Variants in CA10 observed in about 807,000 individuals in gnomAD.
CA10 encodes the protein carbonic anhydrase 10 (inactive), also known as carbonic anhydrase-related protein 10.
A neutral mutation model predicts 44.2 loss-of-function variants in CA10; 14 were observed. The observed-to-expected ratio is 0.32, with a 90% CI of 0.21 to 0.50. CA10 has a LOEUF of 0.50. CA10 is among the 20% of genes least tolerant of loss of function. The pLI is 0.99. For synonymous variants in CA10, 159 were observed against 141.6 expected (o/e 1.12, Z -0.87); for missense variants, 350 against 409.7 (o/e 0.85, Z 1.26).
chr17:52,025,240 A>C (rs901596065), intron 2 of CA10, among the ~76,000 whole-genome samples: 1 of 152,146 alleles, frequency 6.6e-6, no homozygotes, highest in African/African-American at 2.4e-5. Flanking sequence ...GCTGAGTTCT[A>C]TATCAGGGCA....
chr17:52,023,697 C>CAAAA, intron 2 of CA10, among the ~76,000 whole-genome samples: 1 of 147,590 alleles, frequency 6.8e-6, no homozygotes. Flanking sequence ...TACAGAATGG[C>CAAAA]AAAAAAAAAA....
intron 1 of CA10, chr17:52,135,186 C>T (rs371328375): frequency 5.9e-6 from 2 of 339,124 alleles, no homozygotes; most frequent in Middle Eastern, 1.0e-3. Flanking sequence ...TCAGTATATC[C>T]CTCCCTCGCT....
At chr17:51,695,414 T>G (rs1414442405) in intron 4 of CA10, among the ~76,000 whole-genome samples, 1 of 152,166 alleles carries the variant, frequency 6.6e-6, no homozygotes, top group Non-Finnish European at 1.5e-5. Context: ...ACTATATATG[T>G]GGGTGTTTGT....
Position 51,635,904 on chromosome 17 carries a change from G to A in CA10, c.740C>T (p.Thr247Ile), listed in dbSNP as rs1228874521. 6.2e-7 allele frequency: 1 copy of A among 1,608,874 alleles called. No homozygotes were observed. The highest frequency in any genetic ancestry group is 8.5e-7 in the Non-Finnish European group (1 of 1,176,630). Reference protein sequence around the residue: ...GSMTIPPCYETASWIIMNKPV... With the variant: ...GSMTIPPCYEIASWIIMNKPV... ...TTTGTTCATTATGATCCAACTTGCT[G>A]TCTCATAGCAGGGTGGGATAGTCAT... Residue 247 changes from threonine to isoleucine, a missense_variant, in exon 7 of 9, where the codon ACA becomes ATA. Coordinates refer to ENST00000451037, the MANE Select transcript of CA10 (RefSeq NM_020178.5).
At chr17:52,090,388 A>T (rs1252006164) in intron 1 of CA10, among the ~76,000 whole-genome samples, 1 of 150,222 alleles carries the variant, frequency 6.7e-6, no homozygotes, top group Non-Finnish European at 1.5e-5. Flanking sequence ...AATAACTAAT[A>T]TGATGAGGTA....
chr17:51,900,600 C>A (rs1309158208), intron 3 of CA10, among the ~76,000 whole-genome samples: 1 of 152,132 alleles, frequency 6.6e-6, no homozygotes, highest in Non-Finnish European at 1.5e-5. Flanking sequence ...TTTTCATGAA[C>A]CATATCTTCA....
At chr17:51,878,267 C>T (rs1206627065) in intron 3 of CA10, among the ~76,000 whole-genome samples, 4 of 151,488 alleles carry the variant, frequency 2.6e-5, no homozygotes, top group East Asian at 1.9e-4. Flanking sequence ...GATTTAACCA[C>T]ACTGAGGCCT....
At chr17:51,744,254 G>T (rs912097541) in intron 4 of CA10, among the ~76,000 whole-genome samples, 2 of 151,616 alleles carry the variant, frequency 1.3e-5, no homozygotes, top group Admixed American at 1.3e-4. Context: ...GGTGGAGGTT[G>T]CAGTGAACCG....
At chr17:51,923,285 A>G (rs1598119804) in intron 3 of CA10, among the ~76,000 whole-genome samples, 1 of 152,162 alleles carries the variant, frequency 6.6e-6, no homozygotes, top group African/African-American at 2.4e-5. Context: ...CATATAGAGT[A>G]AGATCATCTG....
intron 2 of CA10, among the ~76,000 whole-genome samples, chr17:51,976,265 A>G (rs1458663018): frequency 2.0e-5 from 3 of 152,212 alleles, no homozygotes; most frequent in Admixed American, 2.0e-4. Flanking sequence ...AAAAGTCTGT[A>G]AGATATAGCA....
chr17:51,871,375 G>A (rs1433955388), intron 3 of CA10, among the ~76,000 whole-genome samples: 1 of 148,724 alleles, frequency 6.7e-6, no homozygotes, highest in Non-Finnish European at 1.5e-5. Flanking sequence ...GGGATTACAG[G>A]TGCCCACCAC....
At chr17:51,972,562 A>C (rs1210362336) in intron 2 of CA10, among the ~76,000 whole-genome samples, 4 of 152,110 alleles carry the variant, frequency 2.6e-5, no homozygotes, top group African/African-American at 9.7e-5. Context: ...CCATCCATTA[A>C]AGGAAGTGGA....
At chr17:51,959,797 GA>G (rs3062037) in intron 2 of CA10, among the ~76,000 whole-genome samples, 2,703 of 112,318 alleles carry the variant, frequency 0.024, 73 homozygotes, top group African/African-American at 0.084. Context: ...CTGCTAAGAT[GA>G]AAAAAAAAAA....
At chr17:51,727,882 T>TA (rs1916582694) in intron 4 of CA10, among the ~76,000 whole-genome samples, 1 of 151,946 alleles carries the variant, frequency 6.6e-6, no homozygotes, top group South Asian at 2.1e-4. Context: ...TTTTTTTTTT[T>TA]AAAGACTTAA....
chr17:51,799,252 AAAAT>A (rs1439991384), intron 3 of CA10, among the ~76,000 whole-genome samples: 2 of 152,234 alleles, frequency 1.3e-5, no homozygotes, highest in Admixed American at 1.3e-4. Context: ...ACAATGCTGC[AAAAT>A]AAATAACCAT....
At chr17:51,730,867 C>T (rs544520507) in intron 4 of CA10, among the ~76,000 whole-genome samples, 1 of 150,408 alleles carries the variant, frequency 6.6e-6, no homozygotes, top group South Asian at 2.1e-4. Context: ...AAGTGTCCTA[C>T]ATCTGGGACT....
In CA10 at chr17:52,157,992, C is replaced by T; in HGVS notation, c.-206G>A. 3.3e-6 allele frequency: 2 copies of T among 608,954 alleles called. No individual in the cohort carries two copies. The highest frequency in any genetic ancestry group is 5.9e-6 in the Non-Finnish European group (2 of 337,592). 37.7% of individuals were successfully genotyped at this position (608,954 alleles called of 1,614,324 possible). ...CCGGCAAATCTCCCCTCGGGCTCGA[C>T]GGATGTGCGCCCCAGATGTGCTGAC... On this transcript the variant is annotated 5_prime_UTR_variant, in exon 1 of 9. Coordinates refer to ENST00000451037, the MANE Select transcript of CA10 (RefSeq NM_020178.5).
At chr17:51,856,640 G>A (rs1979058136) in intron 3 of CA10, among the ~76,000 whole-genome samples, 1 of 152,166 alleles carries the variant, frequency 6.6e-6, no homozygotes, top group Non-Finnish European at 1.5e-5. Flanking sequence ...AGCTGAATAT[G>A]CCACAATTCC....
rs555621736 is a variant in CA10, at chr17:51,673,885, C to T, written c.466-20149G>A. ...ACCTCCCTGCCCAGCCCACATAAGC[C>T]GGCCATGCCAAGCCACTGCATGGAC... On this transcript the variant is annotated intron_variant, in intron 4 of 8. Coordinates refer to ENST00000451037, the MANE Select transcript of CA10 (RefSeq NM_020178.5). Among the ~76,000 whole-genome samples, 14 of 152,342 alleles carry T rather than the reference C, an allele frequency of 9.2e-5. No individual in the cohort carries two copies. The East Asian group carries it at 2.7e-3, about 29-fold the overall frequency.
Sources: gnomAD v4.1 joint callset for allele counts (sites outside exome capture counted in the v4.1 genomes callset) on GRCh38, gnomAD v4.1.1 for gene constraint, MANE v1.5 for transcripts, NCBI Gene and HGNC (gene_info 2026-07-23, HGNC 2026-07-21) for gene names.